Variants in ASF1A observed in about 807,000 individuals in gnomAD.
The protein encoded by ASF1A is histone chaperone ASF1A.
In ASF1A, 5 loss-of-function variants were observed where a neutral mutation model predicts 22.0. That is an observed-to-expected ratio of 0.23 (90% CI 0.12 to 0.48). ASF1A has a LOEUF of 0.48. Among genes scored for constraint, ASF1A ranks in the 20% least tolerant of loss-of-function variants. The pLI, the probability that ASF1A is intolerant of heterozygous loss-of-function variation, is 0.99. For synonymous variants in ASF1A, 97 were observed against 86.7 expected, an observed-to-expected ratio of 1.12 and a Z score of -0.66; for missense variants, 137 against 240.6, an observed-to-expected ratio of 0.57 and a Z score of 2.85.
chr6:118,900,980 A>T, intron 2 of ASF1A, 99 bp downstream of exon 2: 2 of 839,860 alleles, frequency 2.4e-6, no homozygotes, highest in East Asian at 2.5e-5. Context: ...TTTGGGTTAA[A>T]GAACTGCTTC....
Position 118,894,625 on chromosome 6 carries a change from C to A in ASF1A, c.109+103C>A, listed in dbSNP as rs937099223. On this transcript the variant is annotated intron_variant, in intron 1 of 3. Transcript: ENST00000229595. ...CTGGGCGGCTGTGTTCGGCGCCTGG[C>A]GGCCGCGGGCTGCTCTGCGGAGGGA... 4 of 1,015,292 alleles carry A rather than the reference C, an allele frequency of 3.9e-6. No homozygotes were observed. The East Asian group carries it at 7.9e-5, about 20-fold the overall frequency. The allele number at this position is 1,015,292 out of a possible 1,614,324, so 62.9% of individuals were successfully genotyped here.
chr6:118,894,213 G>A lies in ASF1A; in HGVS notation c.-201G>A. ...ACTTATCAGAGCAGAATGGGCTGTAGTTTAGTGAAATAGGAAAGCTGCAAA... is the reference window on the plus strand; with the variant it reads ...ACTTATCAGAGCAGAATGGGCTGTAATTTAGTGAAATAGGAAAGCTGCAAA... On this transcript the variant is annotated 5_prime_UTR_variant, in exon 1 of 4. Transcript: ENST00000229595. The A allele has an allele frequency of 7.1e-7, 1 of 1,409,320 alleles. No individual in the cohort carries two copies. The highest frequency in any genetic ancestry group is 1.6e-5 in the South Asian group (1 of 63,662). 87.3% of individuals were successfully genotyped at this position (1,409,320 alleles called of 1,614,324 possible). A position where few individuals can be genotyped will look rare whatever the true frequency, so the allele number is the denominator to read the frequency against.
rs549775585 is a variant in ASF1A at position 118,907,853 on chromosome 6, C to T, written c.*239C>T. 1.6e-4 allele frequency: 61 copies of T among 388,180 alleles called. No homozygotes were observed. Among genetic ancestry groups the T allele is most frequent in the African/African-American group, 1.2e-3 (58 of 48,906 alleles). The allele number at this position is 388,180 out of a possible 1,614,324, so 24.0% of individuals were successfully genotyped here. On this transcript the variant is annotated 3_prime_UTR_variant, in exon 4 of 4. Coordinates refer to ENST00000229595, the MANE Select transcript of ASF1A (RefSeq NM_014034.3). ...TGTTCTGAAACTAATCTGATTAAAG[C>T]ATATATATTATTTTCTTCTCCTTTA...
chr6:118,903,933 T>G (rs1011057712), intron 2 of ASF1A, among the ~76,000 whole-genome samples: 1 of 152,104 alleles, frequency 6.6e-6, no homozygotes, highest in Non-Finnish European at 1.5e-5. Flanking sequence ...GTGATTCATA[T>G]CTCTAGAACA....
In ASF1A at chr6:118,907,925, T is replaced by C. The variant is rs552245656; in HGVS notation, c.*311T>C. The C allele has an allele frequency of 3.1e-4, 62 of 202,688 alleles. No homozygotes were observed. In the South Asian group the frequency reaches 6.7e-3, roughly 22 times the overall value. 12.6% of individuals were successfully genotyped at this position (202,688 alleles called of 1,614,324 possible). On this transcript the variant is annotated 3_prime_UTR_variant, in exon 4 of 4. Transcript: ENST00000229595. Reference sequence around the variant, plus strand: ...AAGAAACAGGAATCATTAGACCAGGTTGTAAAGATGTCTTGGCCTCCCAGA... The same window carrying C: ...AAGAAACAGGAATCATTAGACCAGGCTGTAAAGATGTCTTGGCCTCCCAGA...
chr6:118,906,090 T>G (rs919339587), intron 3 of ASF1A, among the ~76,000 whole-genome samples: 1 of 152,152 alleles, frequency 6.6e-6, no homozygotes, highest in Non-Finnish European at 1.5e-5. Context: ...CTTTTTTTTC[T>G]GAGATGGTTT....
At chr6:118,898,560 G>C (rs756983249) in intron 1 of ASF1A, among the ~76,000 whole-genome samples, 1 of 151,948 alleles carries the variant, frequency 6.6e-6, no homozygotes, top group Non-Finnish European at 1.5e-5. Flanking sequence ...GAGTAGCTGG[G>C]ACCACAGGCA....
At chr6:118,902,349 G>A (rs1779855136) in intron 2 of ASF1A, among the ~76,000 whole-genome samples, 1 of 152,022 alleles carries the variant, frequency 6.6e-6, no homozygotes, top group Admixed American at 6.6e-5. Flanking sequence ...AGTATAATCA[G>A]TCACTCATAA....
In ASF1A at chr6:118,894,419, A is replaced by G. The variant is rs1280890428; in HGVS notation, c.6A>G (p.Ala2=). The change falls in exon 1 of 4, where the codon GCA becomes GCG. Residue 2 remains alanine, a synonymous_variant. Coordinates refer to ENST00000229595, the MANE Select transcript of ASF1A (RefSeq NM_014034.3). M[A]KVQVNNVVVL... is the part of the protein sequence containing the mutation. The stretch of plus-strand genomic sequence containing the variant: ...GTTTGTGTTTTTTTCAAAATATGGC[A>G]AAGGTTCAGGTGAACAATGTAGTGG... 6 of 1,536,842 alleles carry G rather than the reference A, an allele frequency of 3.9e-6. No homozygotes were observed. Among genetic ancestry groups the G allele is most frequent in the Non-Finnish European group, 5.2e-6 (6 of 1,146,738 alleles).
Position 118,906,060 on chromosome 6 carries a change from T to G in ASF1A, c.402+232T>G, listed in dbSNP as rs116496067. On this transcript the variant is annotated intron_variant, in intron 3 of 3. Transcript: ENST00000229595. ...GGCAGACACCTTGAGCATTTCTGGT[T>G]TAGAAAAATGAAAGTACCTCTTTTT... Among the ~76,000 whole-genome samples, 998 of 152,264 alleles carry G rather than the reference T, an allele frequency of 6.6e-3. 7 individuals carry two copies. Among genetic ancestry groups the G allele is most frequent in the African/African-American group, 0.022 (929 of 41,554 alleles).
intron 2 of ASF1A, among the ~76,000 whole-genome samples, chr6:118,905,358 G>C (rs549988930): frequency 6.3e-4 from 27 of 42,924 alleles, no homozygotes; most frequent in African/African-American, 3.3e-3. Flanking sequence ...ATAATGAATA[G>C]TGTATAATCC....
At chr6:118,902,455 C>CCTAA (rs1779864396) in intron 2 of ASF1A, among the ~76,000 whole-genome samples, 1 of 151,770 alleles carries the variant, frequency 6.6e-6, no homozygotes, top group Non-Finnish European at 1.5e-5. Context: ...GACCCACAGG[C>CCTAA]CTAAGGAACC....
intron 1 of ASF1A, among the ~76,000 whole-genome samples, chr6:118,896,548 T>A (rs1779432260): frequency 6.6e-6 from 1 of 152,200 alleles, no homozygotes; most frequent in Non-Finnish European, 1.5e-5. Context: ...CCCAGCTGAA[T>A]CACATCAGGG....
chr6:118,897,873 T>C (rs1779539318), intron 1 of ASF1A, among the ~76,000 whole-genome samples: 1 of 151,736 alleles, frequency 6.6e-6, no homozygotes, highest in Non-Finnish European at 1.5e-5. Context: ...TAAAAGGGTA[T>C]TGAGCATGTA....
At position 118,907,627 on chromosome 6, in the gene ASF1A, C is replaced by G. The variant is rs750133147; in HGVS notation, c.*13C>G. ...GGACTGCATGTGACCACCTACCATC[C>G]CTTTAGTACAAATTAAGCTATTAAA... On this transcript the variant is annotated 3_prime_UTR_variant, in exon 4 of 4. Coordinates refer to ENST00000229595, the MANE Select transcript of ASF1A (RefSeq NM_014034.3). 2 of 1,596,094 alleles carry G rather than the reference C, an allele frequency of 1.3e-6. No individual in the cohort carries two copies. Among genetic ancestry groups the G allele is most frequent in the East Asian group, 4.5e-5 (2 of 44,696 alleles).
chr6:118,903,444 G>A (rs1779942319), intron 2 of ASF1A, among the ~76,000 whole-genome samples: 1 of 151,916 alleles, frequency 6.6e-6, no homozygotes, highest in Non-Finnish European at 1.5e-5. Context: ...TGAGCCACAC[G>A]AGATTATAAA....
chr6:118,905,243 C>T (rs1780094123), intron 2 of ASF1A, among the ~76,000 whole-genome samples: 2 of 152,148 alleles, frequency 1.3e-5, no homozygotes, highest in South Asian at 4.1e-4. Flanking sequence ...GTATAATAAA[C>T]ATTTGTGGCC....
chr6:118,894,526 A>G lies in ASF1A; in HGVS notation c.109+4A>G. ...TGCATCGAGGACCTGTCTGAAGGTG[A>G]GTGCGGCGCCCGTGCGCCCGGGCTG... On this transcript the variant is annotated splice_donor_region_variant and intron_variant, in intron 1 of 3. Coordinates refer to ENST00000229595, the MANE Select transcript of ASF1A (RefSeq NM_014034.3). 6.5e-7 allele frequency: 1 copy of G among 1,536,046 alleles called. No homozygotes were observed. The highest frequency in any genetic ancestry group is 1.4e-5 in the African/African-American group (1 of 73,126).
intron 2 of ASF1A, among the ~76,000 whole-genome samples, chr6:118,905,179 G>A (rs545310416): frequency 6.6e-6 from 1 of 152,270 alleles, no homozygotes; most frequent in East Asian, 1.9e-4. Context: ...ATACCTGTGG[G>A]GGTGGTTGAG....
Sources: allele counts gnomAD v4.1 joint callset (sites outside exome capture counted in the v4.1 genomes callset), GRCh38; gene constraint gnomAD v4.1.1; transcripts MANE v1.5; gene names NCBI Gene and HGNC (gene_info 2026-07-23, HGNC 2026-07-21).